PNKD: variants seen among roughly 807,000 people sequenced by gnomAD.
The protein encoded by PNKD is PNKD metallo-beta-lactamase domain containing, also known as probable thioesterase PNKD.
Under a neutral mutation model 45.3 loss-of-function variants are expected in PNKD, and 36 were observed. The observed-to-expected ratio is 0.80, with a 90% confidence interval of 0.61 to 1.05. The LOEUF (loss-of-function observed/expected upper bound fraction) is 1.05. PNKD is among the 50% of genes least tolerant of loss of function. The pLI, the probability that PNKD is intolerant of heterozygous loss-of-function variation, is 0.00. For missense variants in PNKD, 511 were observed against 506.6 expected (o/e 1.01, Z -0.08); for synonymous variants, 197 against 210.1 (o/e 0.94, Z 0.54).
rs1694656962 is a variant in PNKD, at chr2:218,340,965, T to A, written c.524+179T>A. 1 of 652,260 alleles carries A rather than the reference T, an allele frequency of 1.5e-6. No individual in the cohort carries two copies. 40.4% of individuals were successfully genotyped at this position (652,260 alleles called of 1,614,324 possible). On this transcript the variant is annotated intron_variant, in intron 5 of 9. Transcript: ENST00000273077. The surrounding 1 kb of genome is among the most constrained non-coding windows in gnomAD (Gnocchi z 4.2). ...AGGAGAGGGGACAGTCTCCCACCAC[T>A]CCATTGATCAAGCTTCTGAAGCCCC...
At chr2:218,284,484 A>G (rs1293420709) in intron 2 of PNKD, among the ~76,000 whole-genome samples, 1 of 152,268 alleles carries the variant, frequency 6.6e-6, no homozygotes, top group African/African-American at 2.4e-5. Flanking sequence ...GAGAAGGGTC[A>G]GCCTCGGATG....
chr2:218,308,944 CTCCT>C (rs375034349), intron 2 of PNKD, among the ~76,000 whole-genome samples: 22 of 151,866 alleles, frequency 1.4e-4, no homozygotes, highest in Admixed American at 2.6e-4. Context: ...TTCTCTCTTT[CTCCT>C]TCCTTCCTTC....
intron 2 of PNKD, among the ~76,000 whole-genome samples, chr2:218,312,009 CAT>C (rs907718343): frequency 1.3e-5 from 2 of 152,240 alleles, no homozygotes; most frequent in African/African-American, 4.8e-5. Flanking sequence ...TGCCTGCAAA[CAT>C]ATTGTTAACA....
chr2:218,319,232 C>T (rs1269173260), intron 2 of PNKD, among the ~76,000 whole-genome samples: 2 of 151,646 alleles, frequency 1.3e-5, no homozygotes, highest in African/African-American at 4.8e-5. Flanking sequence ...GGATTACAGG[C>T]GTGAACCACT....
chr2:218,335,669 A>G (rs564873754), intron 2 of PNKD, among the ~76,000 whole-genome samples: 1 of 152,310 alleles, frequency 6.6e-6, no homozygotes, highest in South Asian at 2.1e-4. Flanking sequence ...AAGGCCTACG[A>G]AAAAGGAACA....
chr2:218,338,205 A>T (rs1189768413), intron 2 of PNKD, among the ~76,000 whole-genome samples: 6 of 152,074 alleles, frequency 3.9e-5, no homozygotes. Flanking sequence ...TCACACCTGT[A>T]ATCCCAGCAC....
intron 1 of PNKD, chr2:218,270,922 C>T (rs1192612963): frequency 5.6e-6 from 2 of 354,474 alleles, no homozygotes; most frequent in Non-Finnish European, 1.0e-5. Flanking sequence ...GTTCCAGCCC[C>T]GGATAATTAG....
rs1303814878 is a variant in PNKD, at chr2:218,292,799, G to A, written c.236+21250G>A. Among the ~76,000 whole-genome samples, 13 of 152,300 alleles carry A rather than the reference G, an allele frequency of 8.5e-5. No individual in the cohort carries two copies. The East Asian group carries it at 2.3e-3, about 27-fold the overall frequency. ...TTCCCAGGGGGAAGCGTTCGCTTTG[G>A]GTCCTTCTTTGGCTATTACATTTCT... On this transcript the variant is annotated intron_variant, in intron 2 of 9. Transcript: ENST00000273077.
chr2:218,315,057 T>TCTTTCTTCCTTCCTTCCTTCCTTCCTTC (rs61429059), intron 2 of PNKD, among the ~76,000 whole-genome samples: 1 of 55,544 alleles, frequency 1.8e-5, no homozygotes, highest in Non-Finnish European at 3.9e-5. Flanking sequence ...TTTCTTTCTT[T>TCTTTCTTCCTTCCTTCCTTCCTTCCTTC]CTTCCTTCCT....
intron 2 of PNKD, chr2:218,274,748 G>A (rs1691034407): frequency 6.4e-6 from 1 of 155,076 alleles, no homozygotes; most frequent in Admixed American, 6.5e-5. Context: ...GGGAGCAGAT[G>A]GCCACATGTG....
intron 2 of PNKD, among the ~76,000 whole-genome samples, chr2:218,298,389 G>A (rs1276264212): frequency 6.6e-6 from 1 of 152,198 alleles, no homozygotes; most frequent in African/African-American, 2.4e-5. Context: ...AAGCTTTGGT[G>A]ATAGACAGTC....
At chr2:218,275,662 A>T (rs72947598) in intron 2 of PNKD, 109 of 1,590,776 alleles carry the variant, frequency 6.9e-5, no homozygotes, top group Non-Finnish European at 9.1e-5. Context: ...CTCAGGCATC[A>T]GTGTCCAGAG....
chr2:218,317,345 C>G (rs1455710032), intron 2 of PNKD, among the ~76,000 whole-genome samples: 2 of 152,200 alleles, frequency 1.3e-5, no homozygotes, highest in African/African-American at 2.4e-5. Context: ...GGCTCCCTAA[C>G]ACTTGAAAAC....
At chr2:218,313,419 A>G (rs949042810) in intron 2 of PNKD, among the ~76,000 whole-genome samples, 8 of 152,162 alleles carry the variant, frequency 5.3e-5, no homozygotes, top group Admixed American at 6.5e-5. Flanking sequence ...CCTTGATACA[A>G]TTCTAATAAC....
intron 5 of PNKD, chr2:218,341,039 TACCTACTGC>T (rs1332343592): frequency 1.7e-6 from 1 of 584,078 alleles, no homozygotes; most frequent in Non-Finnish European, 3.1e-6. Context: ...ATGTATTAGA[TACCTACTGC>T]ACACTGGGCA....
At chr2:218,281,913 C>T in intron 2 of PNKD, 1 of 1,556,010 alleles carries the variant, frequency 6.4e-7, no homozygotes, top group Non-Finnish European at 8.7e-7. Flanking sequence ...CTCCCACCCA[C>T]CTTCCATCTG....
intron 2 of PNKD, chr2:218,323,196 GC>G: frequency 1.4e-6 from 2 of 1,388,360 alleles, no homozygotes; most frequent in Admixed American, 3.4e-5. Flanking sequence ...CAGGTTCCCC[GC>G]GGGGGGCCGG....
At chr2:218,291,155 T>TA (rs2106242047) in intron 2 of PNKD, among the ~76,000 whole-genome samples, 1 of 152,226 alleles carries the variant, frequency 6.6e-6, no homozygotes, top group African/African-American at 2.4e-5. Context: ...TCCCAACACT[T>TA]ACAGGATAAC....
At chr2:218,309,424 A>C (rs1436673558) in intron 2 of PNKD, among the ~76,000 whole-genome samples, 1 of 149,682 alleles carries the variant, frequency 6.7e-6, no homozygotes, top group Non-Finnish European at 1.5e-5. Flanking sequence ...CTCAAAAAAA[A>C]AAAAAAAAAA....
Sources: gnomAD v4.1 joint callset for allele counts (sites outside exome capture counted in the v4.1 genomes callset) on GRCh38, gnomAD v4.1.1 for gene constraint, Gnocchi (gnomAD v3.1) non-coding constraint, MANE v1.5 for transcripts, NCBI Gene and HGNC (gene_info 2026-07-23, HGNC 2026-07-21) for gene names.